The following BANK1 variants were observed in gnomAD, a reference collection of about 807,000 sequenced individuals.
BANK1 encodes B-cell scaffold protein with ankyrin repeats.
A neutral mutation model predicts 94.5 loss-of-function variants in BANK1; 95 were observed. The observed-to-expected ratio is 1.00, with a 90% CI of 0.85 to 1.19. BANK1 has a LOEUF of 1.19. Ranked by LOEUF, BANK1 falls within the 50% of genes most tolerant of loss-of-function variation. BANK1 has a pLI of 0.00. For missense variants in BANK1, 987 were observed against 932.2 expected (o/e 1.06, Z -0.77); for synonymous variants, 334 against 308.4 (o/e 1.08, Z -0.87).
At chr4:101,962,677 C>G (rs1202234112) in intron 7 of BANK1, among the ~76,000 whole-genome samples, 1 of 152,074 alleles carries the variant, frequency 6.6e-6, no homozygotes, top group East Asian at 1.9e-4. Context: ...TTGTGTATTT[C>G]CACACTAGCC....
At chr4:101,822,925 C>T (rs1726228618) in intron 1 of BANK1, among the ~76,000 whole-genome samples, 1 of 152,088 alleles carries the variant, frequency 6.6e-6, no homozygotes, top group African/African-American at 2.4e-5. Context: ...ACCACATTTT[C>T]TTTATCCAGC....
At chr4:102,041,000 G>A (rs184639493) in intron 10 of BANK1, among the ~76,000 whole-genome samples, 11 of 152,126 alleles carry the variant, frequency 7.2e-5, no homozygotes, top group Admixed American at 5.2e-4. Flanking sequence ...TAGTATTCTG[G>A]TATACAACTT....
chr4:101,808,806 C>A (rs1725647488), intron 1 of BANK1, among the ~76,000 whole-genome samples: 1 of 152,038 alleles, frequency 6.6e-6, no homozygotes, highest in South Asian at 2.1e-4. Flanking sequence ...AATGAGATAC[C>A]ACCTTATTCC....
chr4:102,064,338 C>T (rs997535087), intron 13 of BANK1, among the ~76,000 whole-genome samples: 2 of 152,074 alleles, frequency 1.3e-5, no homozygotes, highest in Non-Finnish European at 2.9e-5. Flanking sequence ...CTTACAGACA[C>T]CTCCATTCTA....
chr4:101,875,329 T>G (rs1728448655), intron 5 of BANK1, among the ~76,000 whole-genome samples: 2 of 152,170 alleles, frequency 1.3e-5, no homozygotes, highest in Non-Finnish European at 2.9e-5. Context: ...TTCACTGTAT[T>G]AATCCATTCT....
At position 102,063,071 on chromosome 4, in the gene BANK1, T is replaced by G. The variant is rs773908840; in HGVS notation, c.2149-4T>G. On this transcript the variant is annotated splice_polypyrimidine_tract_variant and splice_region_variant and intron_variant, in intron 12 of 16. Coordinates refer to ENST00000322953, the MANE Select transcript of BANK1 (RefSeq NM_017935.5). ...AACTATGTCCTGGTTGTTTCCACAT[T>G]AAGGAGAAATTACGACAACTACGAG... 3.1e-6 allele frequency: 5 copies of G among 1,612,830 alleles called. No homozygotes were observed. In the South Asian group the frequency reaches 5.5e-5, roughly 18 times the overall value.
intron 7 of BANK1, among the ~76,000 whole-genome samples, chr4:101,919,057 CTAGT>C (rs1441207285): frequency 1.3e-5 from 2 of 152,024 alleles, no homozygotes; most frequent in East Asian, 3.9e-4. Context: ...TAGTTTTTAA[CTAGT>C]TATCATTCTT....
chr4:102,011,554 T>G (rs1377444463), intron 7 of BANK1, among the ~76,000 whole-genome samples: 1 of 152,198 alleles, frequency 6.6e-6, no homozygotes, highest in African/African-American at 2.4e-5. Flanking sequence ...ATTTCATTAT[T>G]ATAAGCTAAA....
chr4:101,844,828 A>G (rs539900048), intron 2 of BANK1, among the ~76,000 whole-genome samples: 1 of 152,326 alleles, frequency 6.6e-6, no homozygotes, highest in South Asian at 2.1e-4. Flanking sequence ...CCAACCCCAA[A>G]CAAGCTTCTT....
chr4:101,957,131 C>T (rs1724375607), intron 7 of BANK1, among the ~76,000 whole-genome samples: 1 of 152,156 alleles, frequency 6.6e-6, no homozygotes, highest in South Asian at 2.1e-4. Flanking sequence ...TACAGAATCT[C>T]CTTTAGTTAA....
At chr4:101,960,299 C>T (rs1445908111) in intron 7 of BANK1, among the ~76,000 whole-genome samples, 1 of 151,948 alleles carries the variant, frequency 6.6e-6, no homozygotes, top group Non-Finnish European at 1.5e-5. Flanking sequence ...TTATTCTATA[C>T]TCAAGGTAGA....
intron 11 of BANK1, among the ~76,000 whole-genome samples, chr4:102,047,142 T>C (rs896186575): frequency 6.6e-6 from 1 of 152,094 alleles, no homozygotes; most frequent in Non-Finnish European, 1.5e-5. Context: ...AATACAGACC[T>C]TCAATGGACC....
chr4:101,799,891 TAAATA>T (rs1042363101), intron 1 of BANK1, among the ~76,000 whole-genome samples: 1 of 151,574 alleles, frequency 6.6e-6, no homozygotes, highest in African/African-American at 2.4e-5. Flanking sequence ...AGTAAATAAA[TAAATA>T]AAATAAAATA....
intron 2 of BANK1, among the ~76,000 whole-genome samples, chr4:101,841,617 TTTA>T (rs34130720): frequency 0.37 from 54,859 of 149,656 alleles, 10,083 homozygotes; most frequent in Admixed American, 0.43. Flanking sequence ...GTAATAATCT[TTTA>T]TTATTATTAT....
chr4:102,066,709 A>G (rs976809682), intron 13 of BANK1, among the ~76,000 whole-genome samples: 1 of 152,238 alleles, frequency 6.6e-6, no homozygotes, highest in African/African-American at 2.4e-5. Flanking sequence ...ATATCATACA[A>G]GGTGAAGGGA....
At chr4:101,999,803 G>C (rs1248738989) in intron 7 of BANK1, among the ~76,000 whole-genome samples, 1 of 152,170 alleles carries the variant, frequency 6.6e-6, no homozygotes, top group Non-Finnish European at 1.5e-5. Flanking sequence ...GACACTTGAA[G>C]AATAAGTAGG....
rs878894134 is a variant in BANK1 at position 102,024,705 on chromosome 4, A to G, written c.1286-496A>G. Among the ~76,000 whole-genome samples, 8 of 152,102 alleles carry G rather than the reference A, an allele frequency of 5.3e-5. 1 individual carries two copies. The highest frequency in any genetic ancestry group is 5.2e-4 in the Admixed American group (8 of 15,280). ...ATACAGTATCTGTAAATGATTTACT[A>G]TAAGGAATTATAAAATTATTATAGT... On this transcript the variant is annotated intron_variant, in intron 8 of 16. Transcript: ENST00000322953.
At chr4:101,902,439 A>G (rs992193213) in intron 6 of BANK1, among the ~76,000 whole-genome samples, 6 of 152,186 alleles carry the variant, frequency 3.9e-5, no homozygotes, top group African/African-American at 1.2e-4. Context: ...TGTAATTTTC[A>G]ATTTGTTTTG....
At chr4:101,807,141 G>C (rs1325930458) in intron 1 of BANK1, among the ~76,000 whole-genome samples, 1 of 152,184 alleles carries the variant, frequency 6.6e-6, no homozygotes. Context: ...CCCTGGGACA[G>C]TGCTTTGCAA....
Sources: gnomAD v4.1 joint callset for allele counts (sites outside exome capture counted in the v4.1 genomes callset) on GRCh38, gnomAD v4.1.1 for gene constraint, MANE v1.5 for transcripts, NCBI Gene and HGNC (gene_info 2026-07-23, HGNC 2026-07-21) for gene names.